ZNF653: variants seen among roughly 807,000 people sequenced by gnomAD.
ZNF653 encodes zinc finger protein 653, also known as 67 kDa zinc finger protein.
Under a neutral mutation model 59.9 loss-of-function variants are expected in ZNF653, and 37 were observed. The ratio of observed to expected loss-of-function variants is 0.62; its 90% confidence interval spans 0.48 to 0.81. The LOEUF (loss-of-function observed/expected upper bound fraction) is 0.81. ZNF653 is among the 40% of genes least tolerant of loss of function. The probability of loss-of-function intolerance (pLI) is 0.00; values close to 1 mark genes in which losing one functional copy is unlikely to be tolerated. For missense variants in ZNF653, 808 were observed against 881.1 expected (o/e 0.92, Z 1.05); for synonymous variants, 435 against 371.8 (o/e 1.17, Z -1.96).
Position 11,483,619 on chromosome 19 carries a change from C to G in ZNF653, c.*63G>C. On this transcript the variant is annotated 3_prime_UTR_variant, in exon 9 of 9. Coordinates refer to ENST00000293771, the MANE Select transcript of ZNF653 (RefSeq NM_138783.4). Reference sequence around the variant, plus strand: ...GCGGCCCTCGCAGCTGTCCAGGCCCCGGCAAGCCCGGGCGTGGTGTCCGAG... The same window carrying G: ...GCGGCCCTCGCAGCTGTCCAGGCCCGGGCAAGCCCGGGCGTGGTGTCCGAG... 1 of 1,568,490 alleles carries G rather than the reference C, an allele frequency of 6.4e-7. No homozygotes were observed. Among genetic ancestry groups the G allele is most frequent in the Non-Finnish European group, 8.7e-7 (1 of 1,151,144 alleles).
intron 3 of ZNF653, among the ~76,000 whole-genome samples, chr19:11,493,988 C>T (rs1293017187): frequency 6.6e-6 from 1 of 151,982 alleles, no homozygotes; most frequent in African/African-American, 2.4e-5. Flanking sequence ...CACTGCACTC[C>T]AGCCTGGGCA....
rs1054792439 is a variant in ZNF653 at position 11,495,140 on chromosome 19, G to C, written c.559+810C>G. Among the ~76,000 whole-genome samples, 2 of 152,114 alleles carry C rather than the reference G, an allele frequency of 1.3e-5. No individual in the cohort carries two copies. The highest frequency in any genetic ancestry group is 2.9e-5 in the Non-Finnish European group (2 of 68,012). Reference sequence around the variant, plus strand: ...TGGTGACCGCCCCACCCTCAGCCCTGACAGGACGCCTGGCAGTGTGCCCTA... The same window carrying C: ...TGGTGACCGCCCCACCCTCAGCCCTCACAGGACGCCTGGCAGTGTGCCCTA... On this transcript the variant is annotated intron_variant, in intron 3 of 8. Transcript: ENST00000293771. The surrounding 1 kb of genome is among the most constrained non-coding windows in gnomAD (Gnocchi z 4.9).
Position 11,487,582 on chromosome 19 carries a change from T to G in ZNF653, c.881A>C (p.Glu294Ala), listed in dbSNP as rs779135189. 1 of 1,613,924 alleles carries G rather than the reference T, an allele frequency of 6.2e-7. No homozygotes were observed. The highest frequency in any genetic ancestry group is 1.7e-5 in the Admixed American group (1 of 60,020). The change falls in exon 4 of 9, where the codon GAG becomes GCG. Residue 294 changes from glutamate (E) to alanine (A), a missense_variant. Coordinates refer to ENST00000293771, the MANE Select transcript of ZNF653 (RefSeq NM_138783.4). The surrounding 1 kb of genome is among the most constrained non-coding windows in gnomAD (Gnocchi z 5.1). ...ACCCAGGGCCTCCTGGGGCACGTTC[T>G]CAAAGAGGGCGCTGGGGCCCGCACC... ...QVGAGPSALFENVPQEALGEV... is the reference protein window; with the variant it reads ...QVGAGPSALFANVPQEALGEV...
chr19:11,495,289 G>C lies in ZNF653; in HGVS notation c.559+661C>G, dbSNP rs1971574561. Among the ~76,000 whole-genome samples, 1 of 152,184 alleles carries C rather than the reference G, an allele frequency of 6.6e-6. No homozygotes were observed. Among genetic ancestry groups the C allele is most frequent in the Non-Finnish European group, 1.5e-5 (1 of 68,032 alleles). ...GTGGGATGGGAAGGAGAGAGGCAGG[G>C]ACCGCGAAGGTGGGGAGGGAGGAGG... On this transcript the variant is annotated intron_variant, in intron 3 of 8. Transcript: ENST00000293771. The surrounding 1 kb of genome is among the most constrained non-coding windows in gnomAD (Gnocchi z 4.9).
At chr19:11,492,254 A>C (rs1200961216) in intron 3 of ZNF653, among the ~76,000 whole-genome samples, 1 of 151,814 alleles carries the variant, frequency 6.6e-6, no homozygotes, top group Non-Finnish European at 1.5e-5. Context: ...ACCATATTGG[A>C]CAGGCTGCGA....
At position 11,488,151 on chromosome 19, in the gene ZNF653, C is replaced by CTT. The variant is rs954471599; in HGVS notation, c.560-250_560-249dup. ...TACAGGTGTGCGCCACCACACCTGG[C>CTT]TTTTTTTTTTTTTCCTGAGATGGAG... On this transcript the variant is annotated intron_variant, in intron 3 of 8. Transcript: ENST00000293771. Among the ~76,000 whole-genome samples the CTT allele has an allele frequency of 1.0e-4, 12 of 115,072 alleles. No individual in the cohort carries two copies. In the South Asian group the frequency reaches 1.4e-3, roughly 13 times the overall value. 75.5% of individuals were successfully genotyped at this position (115,072 alleles called of 152,430 possible).
At chr19:11,505,261 C>G in intron 1 of ZNF653, 1 of 462,266 alleles carries the variant, frequency 2.2e-6, no homozygotes, top group Non-Finnish European at 3.7e-6. Context: ...GAAGGCGGGT[C>G]GAGGGGCTGG....
intron 6 of ZNF653, 140 bp downstream of exon 6, chr19:11,486,628 TG>T: frequency 1.5e-6 from 1 of 678,948 alleles, no homozygotes; most frequent in Non-Finnish European, 2.5e-6. Flanking sequence ...TGCCAGGTCC[TG>T]GGGTGTGACA....
At chr19:11,483,908 G>A (rs1320681055) in intron 8 of ZNF653, 49 bp from the exon 9 acceptor site, 4 of 1,515,452 alleles carry the variant, frequency 2.6e-6, no homozygotes, top group South Asian at 2.4e-5. Context: ...TGGGCGGGGC[G>A]GGGCGGGGCC....
Position 11,487,584 on chromosome 19 carries a change from A to G in ZNF653, c.879T>C (p.Phe293=), listed in dbSNP as rs1450963335. The change falls in exon 4 of 9, where the codon TTT becomes TTC. Residue 293 remains phenylalanine, a synonymous_variant. Transcript: ENST00000293771. The surrounding 1 kb of genome is among the most constrained non-coding windows in gnomAD (Gnocchi z 5.1). ...CCAGGGCCTCCTGGGGCACGTTCTC[A>G]AAGAGGGCGCTGGGGCCCGCACCCA... ...VQVGAGPSAL[F]ENVPQEALGE... 6.2e-7 allele frequency: 1 copy of G among 1,613,914 alleles called. No homozygotes were observed. Among genetic ancestry groups the G allele is most frequent in the South Asian group, 1.1e-5 (1 of 91,084 alleles).
chr19:11,502,568 G>A (rs989600543), intron 1 of ZNF653, among the ~76,000 whole-genome samples: 1 of 152,150 alleles, frequency 6.6e-6, no homozygotes, highest in Non-Finnish European at 1.5e-5. Flanking sequence ...GGCTGTGTGT[G>A]ACTTGTAGTC....
intron 2 of ZNF653, among the ~76,000 whole-genome samples, 160 bp from the exon 3 acceptor site, chr19:11,496,325 A>C (rs1197557753): frequency 6.6e-6 from 1 of 152,200 alleles, no homozygotes; most frequent in East Asian, 1.9e-4. Context: ...ACTGAGGCTC[A>C]GAGAGGAGAG....
chr19:11,501,378 C>T (rs1971642949), intron 1 of ZNF653, among the ~76,000 whole-genome samples: 1 of 151,960 alleles, frequency 6.6e-6, no homozygotes, highest in African/African-American at 2.4e-5. Flanking sequence ...CGAGTTTCGC[C>T]ATGTTGCCCA....
At chr19:11,505,393 CGG>C in intron 1 of ZNF653, 93 bp downstream of exon 1, 1 of 1,275,182 alleles carries the variant, frequency 7.8e-7, no homozygotes, top group Non-Finnish European at 1.0e-6. Context: ...CCGCAGGTGC[CGG>C]GGGCTGGCCC....
intron 1 of ZNF653, among the ~76,000 whole-genome samples, chr19:11,499,947 C>T (rs930915525): frequency 1.3e-5 from 2 of 152,040 alleles, no homozygotes; most frequent in African/African-American, 2.4e-5. Flanking sequence ...AAACAAAAAA[C>T]GATCTTCGTC....
chr19:11,493,198 CA>C (rs1322460398), intron 3 of ZNF653, among the ~76,000 whole-genome samples: 2 of 151,806 alleles, frequency 1.3e-5, no homozygotes, highest in Admixed American at 6.6e-5. Flanking sequence ...GCTAGGATTA[CA>C]GGCATGCGCC....
At position 11,484,249 on chromosome 19, in the gene ZNF653, CAGGACTGCAGGT is replaced by C. The variant is rs924214068; in HGVS notation, c.1571-120_1571-109del. The C allele has an allele frequency of 3.4e-6, 3 of 873,430 alleles. No individual in the cohort carries two copies. The African/African-American group carries it at 5.0e-5, about 15-fold the overall frequency. The allele number at this position is 873,430 out of a possible 1,614,324, so 54.1% of individuals were successfully genotyped here. ...CATCAGGCTGTCTCCTTGGATCTCCCAGGACTGCAGGTGCAGGCCGACCAAACCCTACGTCCT... is the reference window on the plus strand; with the variant it reads ...CATCAGGCTGTCTCCTTGGATCTCCCGCAGGCCGACCAAACCCTACGTCCT... On this transcript the variant is annotated intron_variant, in intron 7 of 8. Transcript: ENST00000293771.
intron 1 of ZNF653, among the ~76,000 whole-genome samples, chr19:11,503,741 G>A (rs1039681401): frequency 9.9e-5 from 15 of 152,132 alleles, no homozygotes; most frequent in Non-Finnish European, 2.1e-4. Flanking sequence ...GGGAGGTTGA[G>A]GCTGCTGTGA....
At chr19:11,496,299 CA>C in intron 2 of ZNF653, 134 bp from the exon 3 acceptor site, 1 of 841,176 alleles carries the variant, frequency 1.2e-6, no homozygotes, top group Admixed American at 2.5e-5. Flanking sequence ...GGCCTGTACC[CA>C]GTTTAAAGGG....
Sources: gnomAD v4.1 joint callset for allele counts (sites outside exome capture counted in the v4.1 genomes callset) on GRCh38, gnomAD v4.1.1 for gene constraint, Gnocchi (gnomAD v3.1) non-coding constraint, MANE v1.5 for transcripts, NCBI Gene and HGNC (gene_info 2026-07-23, HGNC 2026-07-21) for gene names.